Variants in NTRK2 observed in about 807,000 individuals in gnomAD.
NTRK2 encodes the protein BDNF/NT-3 growth factors receptor.
Under a neutral mutation model 94.5 loss-of-function variants are expected in NTRK2, and 13 were observed. The observed-to-expected ratio is 0.14, with a 90% CI of 0.09 to 0.22. The LOEUF (loss-of-function observed/expected upper bound fraction) is 0.22. NTRK2 is among the 10% of genes least tolerant of loss of function. The probability of loss-of-function intolerance (pLI) is 1.00; values close to 1 mark genes in which losing one functional copy is unlikely to be tolerated. For missense variants in NTRK2, 639 were observed against 1,071.2 expected (o/e 0.60, Z 5.63); for synonymous variants, 372 against 407.4 (o/e 0.91, Z 1.05).
At chr9:84,968,763 G>T (rs1276938605) in intron 17 of NTRK2, among the ~76,000 whole-genome samples, 2 of 152,176 alleles carry the variant, frequency 1.3e-5, no homozygotes, top group African/African-American at 4.8e-5. Context: ...CATGAAAATT[G>T]TGAAGTATAC....
chr9:84,972,078 G>A lies in NTRK2; in HGVS notation c.2172+16561G>A, dbSNP rs565594970. Among the ~76,000 whole-genome samples, 4 of 152,284 alleles carry A rather than the reference G, an allele frequency of 2.6e-5. No individual in the cohort carries two copies. The South Asian group carries it at 6.2e-4, about 24-fold the overall frequency. ...CTAACCGGCATGAAAACATTCATAGGGGGGTATCCAAATAGTTGAACAACG... is the reference window on the plus strand; with the variant it reads ...CTAACCGGCATGAAAACATTCATAGAGGGGTATCCAAATAGTTGAACAACG... On this transcript the variant is annotated intron_variant, in intron 17 of 18. Transcript: ENST00000277120.
chr9:84,779,856 C>T (rs938859868), intron 12 of NTRK2, among the ~76,000 whole-genome samples: 1 of 152,156 alleles, frequency 6.6e-6, no homozygotes, highest in Non-Finnish European at 1.5e-5. Context: ...CTGGAGAAGC[C>T]TCCTTCTGTA....
chr9:85,023,231 C>T lies in NTRK2; in HGVS notation c.*1794C>T, dbSNP rs1023306959. 1 of 232,860 alleles carries T rather than the reference C, an allele frequency of 4.3e-6. No individual in the cohort carries two copies. Among genetic ancestry groups the T allele is most frequent in the African/African-American group, 2.2e-5 (1 of 45,322 alleles). The allele number at this position is 232,860 out of a possible 1,614,324, so 14.4% of individuals were successfully genotyped here. A position where few individuals can be genotyped will look rare whatever the true frequency, so the allele number is the denominator to read the frequency against. The stretch of plus-strand genomic sequence containing the variant: ...TATTTCTGTTCCTCAAGAAAACTTG[C>T]TACCCTCTGTGAGGGGAATTTTGCT... On this transcript the variant is annotated 3_prime_UTR_variant, in exon 19 of 19. Transcript: ENST00000277120.
At chr9:85,014,824 G>T (rs981785283) in intron 17 of NTRK2, among the ~76,000 whole-genome samples, 3 of 152,152 alleles carry the variant, frequency 2.0e-5, no homozygotes, top group Non-Finnish European at 1.5e-5. Flanking sequence ...TAACTAGAAC[G>T]CAGTTGTTAT....
intron 13 of NTRK2, among the ~76,000 whole-genome samples, chr9:84,865,866 G>A (rs1325312878): frequency 6.6e-6 from 1 of 152,200 alleles, no homozygotes; most frequent in African/African-American, 2.4e-5. Flanking sequence ...TGCCTGTCAT[G>A]AGCCACTGCC....
chr9:84,867,194 C>T (rs769487253), intron 13 of NTRK2, 49 bp from the exon 14 acceptor site: 5 of 1,572,918 alleles, frequency 3.2e-6, no homozygotes, highest in Admixed American at 1.7e-5. Flanking sequence ...AATTACAGCT[C>T]AATAAAGCCA....
At chr9:84,976,524 C>T (rs912193795) in intron 17 of NTRK2, among the ~76,000 whole-genome samples, 1 of 152,118 alleles carries the variant, frequency 6.6e-6, no homozygotes, top group Non-Finnish European at 1.5e-5. Context: ...TGCTAGAGGC[C>T]TAAGAGAATC....
At chr9:84,943,252 A>G (rs925283322) in intron 15 of NTRK2, among the ~76,000 whole-genome samples, 6 of 152,244 alleles carry the variant, frequency 3.9e-5, no homozygotes, top group Admixed American at 3.9e-4. Context: ...ACAATATTCT[A>G]TCACACCAAT....
chr9:84,670,985 T>C (rs760702378), intron 2 of NTRK2, 25 bp downstream of exon 2: 6 of 1,597,802 alleles, frequency 3.8e-6, no homozygotes, highest in Non-Finnish European at 5.1e-6. Context: ...CTTTTCCTCC[T>C]TTTTCTCCTT....
intron 14 of NTRK2, among the ~76,000 whole-genome samples, chr9:84,933,116 CA>C (rs1435782464): frequency 1.3e-5 from 2 of 152,204 alleles, no homozygotes; most frequent in Non-Finnish European, 2.9e-5. Flanking sequence ...GTTGGCCACA[CA>C]TTCCAAGCTC....
At chr9:84,850,815 G>A (rs768967215) in intron 12 of NTRK2, among the ~76,000 whole-genome samples, 1 of 152,168 alleles carries the variant, frequency 6.6e-6, no homozygotes, top group Admixed American at 6.5e-5. Context: ...AAATGACGCT[G>A]TCAGAGCTGT....
chr9:84,775,550 T>G (rs536519969), intron 12 of NTRK2, among the ~76,000 whole-genome samples: 1 of 152,206 alleles, frequency 6.6e-6, no homozygotes, highest in African/African-American at 2.4e-5. Context: ...TCTTTTGCTC[T>G]TGGTTCTTTG....
chr9:84,738,665 A>G (rs993652295), intron 9 of NTRK2, among the ~76,000 whole-genome samples: 2 of 152,180 alleles, frequency 1.3e-5, no homozygotes, highest in African/African-American at 4.8e-5. Context: ...CTTTTCATAA[A>G]CATTAGGTCT....
Position 84,834,503 on chromosome 9 carries a change from A to AT in NTRK2, c.1397-26531dup, listed in dbSNP as rs991903019. Among the ~76,000 whole-genome samples, 78 of 152,050 alleles carry AT rather than the reference A, an allele frequency of 5.1e-4. 1 individual carries two copies. The highest frequency in any genetic ancestry group is 1.9e-3 in the African/African-American group (77 of 41,470). ...AAGGAGGGAGTTGACCACTAATTAC[A>AT]TTTTTTCCCTTGATGATCTAGGTCA... On this transcript the variant is annotated intron_variant, in intron 12 of 18. Coordinates refer to ENST00000277120, the MANE Select transcript of NTRK2 (RefSeq NM_006180.6).
chr9:84,853,218 A>T (rs2074874516), intron 12 of NTRK2, among the ~76,000 whole-genome samples: 3 of 152,214 alleles, frequency 2.0e-5, no homozygotes, highest in Admixed American at 2.0e-4. Context: ...GTTTAGTCCT[A>T]TAGACTTTGA....
chr9:85,020,110 T>G, intron 17 of NTRK2, 96 bp from the exon 18 acceptor site: 5 of 1,293,328 alleles, frequency 3.9e-6, no homozygotes. Context: ...AACTATAAAG[T>G]GCAAATAAGG....
intron 6 of NTRK2, among the ~76,000 whole-genome samples, chr9:84,722,359 C>T (rs1049011940): frequency 1.3e-5 from 2 of 151,800 alleles, no homozygotes; most frequent in Non-Finnish European, 2.9e-5. Flanking sequence ...TCTGATTTCA[C>T]TAATAAAGAA....
intron 14 of NTRK2, among the ~76,000 whole-genome samples, chr9:84,914,575 G>T (rs1279987813): frequency 6.6e-6 from 1 of 152,212 alleles, no homozygotes; most frequent in Non-Finnish European, 1.5e-5. Flanking sequence ...GTTGACACTT[G>T]AGAGGGCAGT....
At chr9:84,730,556 C>T (rs1167216581) in intron 9 of NTRK2, among the ~76,000 whole-genome samples, 1 of 136,048 alleles carries the variant, frequency 7.4e-6, no homozygotes, top group Non-Finnish European at 1.5e-5. Context: ...CTGGCTAACA[C>T]GGTGAAACCC....
Sources: allele counts gnomAD v4.1 joint callset (sites outside exome capture counted in the v4.1 genomes callset), GRCh38; gene constraint gnomAD v4.1.1; transcripts MANE v1.5; gene names NCBI Gene and HGNC (gene_info 2026-07-23, HGNC 2026-07-21).